The following S100PBP variants were observed in gnomAD, a reference collection of about 807,000 sequenced individuals.
S100PBP encodes the protein S100P binding protein.
Under a neutral mutation model 39.9 loss-of-function variants are expected in S100PBP, and 15 were observed. The observed-to-expected ratio is 0.38, with a 90% CI of 0.25 to 0.58. The LOEUF is 0.58. Among genes scored for constraint, S100PBP ranks in the 20% least tolerant of loss-of-function variants. The pLI, the probability that S100PBP is intolerant of heterozygous loss-of-function variation, is 0.70. For missense variants in S100PBP, 504 were observed against 487.3 expected, an observed-to-expected ratio of 1.03 and a Z score of -0.32; for synonymous variants, 178 against 180.3, an observed-to-expected ratio of 0.99 and a Z score of 0.10.
chr1:32,829,765 C>T (rs1416445155), intron 4 of S100PBP, among the ~76,000 whole-genome samples, 199 bp from the exon 5 acceptor site: 1 of 152,180 alleles, frequency 6.6e-6, no homozygotes, highest in Non-Finnish European at 1.5e-5. Flanking sequence ...AGCTTCTCTT[C>T]TTTTTCTCTT....
chr1:32,828,002 C>T lies in S100PBP; in HGVS notation c.841C>T (p.Leu281Phe), dbSNP rs770200837. Residue 281 changes from leucine to phenylalanine, a missense_variant, in exon 4 of 7, where the codon CTT becomes TTT. Physicochemically the swap from Leu to Phe is conservative, Grantham distance 22. Coordinates refer to ENST00000373475, the MANE Select transcript of S100PBP (RefSeq NM_022753.4). Reference protein sequence around the residue: ...VSTSSNKQDVLNKDSGKMKGH... With the variant: ...VSTSSNKQDVFNKDSGKMKGH... ...CTTTTCCTCAAAAAAGCAGGATGTT[C>T]TTAACAAGGATTCTGGGAAGATGAA... is the stretch of plus-strand genomic sequence containing the variant. The T allele has an allele frequency of 1.2e-6, 2 of 1,609,744 alleles. No individual in the cohort carries two copies. Among genetic ancestry groups the T allele is most frequent in the Non-Finnish European group, 8.5e-7 (1 of 1,176,944 alleles).
intron 5 of S100PBP, chr1:32,836,433 G>GTGTTTT (rs1346420218): frequency 1.7e-6 from 1 of 605,162 alleles, no homozygotes. Flanking sequence ...TGCCTGGCTT[G>GTGTTTT]TGTTTTTGTT....
intron 5 of S100PBP, among the ~76,000 whole-genome samples, chr1:32,844,770 G>GATATATATATATAT (rs1384204743): frequency 6.6e-6 from 1 of 151,564 alleles, no homozygotes; most frequent in African/African-American, 2.4e-5. Flanking sequence ...GATATCTATA[G>GATATATATATATAT]ATAGAGATAT....
intron 5 of S100PBP, among the ~76,000 whole-genome samples, chr1:32,831,539 T>C (rs1639599214): frequency 1.3e-5 from 2 of 152,166 alleles, no homozygotes; most frequent in Admixed American, 6.5e-5. Flanking sequence ...AAGATTATGA[T>C]GAGACATCAG....
At chr1:32,849,334 A>G (rs575301863) in intron 5 of S100PBP, among the ~76,000 whole-genome samples, 45 of 152,140 alleles carry the variant, frequency 3.0e-4, no homozygotes, top group Non-Finnish European at 6.0e-4. Flanking sequence ...ACGGGGTTTC[A>G]CCATGTTGCC....
intron 1 of S100PBP, among the ~76,000 whole-genome samples, chr1:32,824,058 C>T (rs1358291134): frequency 1.3e-5 from 2 of 152,032 alleles, no homozygotes; most frequent in Non-Finnish European, 1.5e-5. Flanking sequence ...ATTAGCCGGG[C>T]GTGGTGGCGG....
chr1:32,837,177 A>T lies in S100PBP; in HGVS notation c.1024+7110A>T, dbSNP rs974304020. Reference sequence around the variant, plus strand: ...CATCTCAAAAAAAAAAAAAAAAAAAAAGAAATTTGAAGACATTCAGTATTG... The same window carrying T: ...CATCTCAAAAAAAAAAAAAAAAAAATAGAAATTTGAAGACATTCAGTATTG... On this transcript the variant is annotated intron_variant, in intron 5 of 6. Coordinates refer to ENST00000373475, the MANE Select transcript of S100PBP (RefSeq NM_022753.4). The T allele has an allele frequency of 2.0e-5, 3 of 150,406 alleles. No homozygotes were observed. The South Asian group carries it at 6.3e-4, about 31-fold the overall frequency. The allele number at this position is 150,406 out of a possible 1,614,324, so 9.3% of individuals were successfully genotyped here. A position where few individuals can be genotyped will look rare whatever the true frequency, so the allele number is the denominator to read the frequency against.
chr1:32,854,267 T>C (rs1640739069), intron 6 of S100PBP, among the ~76,000 whole-genome samples: 1 of 152,190 alleles, frequency 6.6e-6, no homozygotes, highest in Admixed American at 6.5e-5. Flanking sequence ...ACGTTCCTTA[T>C]ATAAAATGCC....
rs540016716 is a variant in S100PBP, at chr1:32,822,448, A to T, written c.-119-2865A>T. Among the ~76,000 whole-genome samples, 4 of 151,932 alleles carry T rather than the reference A, an allele frequency of 2.6e-5. 1 individual carries two copies. Among genetic ancestry groups the T allele is most frequent in the African/African-American group, 9.7e-5 (4 of 41,424 alleles). ...GCTAACACTGTGAAACCCCGTCTCT[A>T]CTAAAAATACAAAAATTAGCCAGGC... On this transcript the variant is annotated intron_variant, in intron 1 of 6. Coordinates refer to ENST00000373475, the MANE Select transcript of S100PBP (RefSeq NM_022753.4).
chr1:32,827,783 G>GGTTTTTTTT (rs1281476870), intron 3 of S100PBP, among the ~76,000 whole-genome samples: 6 of 130,426 alleles, frequency 4.6e-5, no homozygotes, highest in African/African-American at 5.7e-5. Context: ...ACCTGGCCAG[G>GGTTTTTTTT]TTTTTTTTTT....
At position 32,826,604 on chromosome 1, in the gene S100PBP, A is replaced by G. The variant is rs1262209734; in HGVS notation, c.505A>G (p.Lys169Glu). ...LLDKDETDSS[K>E]DTEKLSSLGE... is the part of the protein sequence containing the mutation. ...TGATAAGGACGAGACTGATTCGTCC[A>G]AAGATACTGAAAAACTCTCTTCCCT... Residue 169 changes from lysine (K) to glutamate (E), a missense_variant, in exon 3 of 7, where the codon AAA (lysine) becomes GAA (glutamate). Lys to Glu is a moderately conservative substitution (Grantham distance 56, BLOSUM62 1). Coordinates refer to ENST00000373475, the MANE Select transcript of S100PBP (RefSeq NM_022753.4). 2.5e-6 allele frequency: 4 copies of G among 1,614,074 alleles called. No homozygotes were observed. The highest frequency in any genetic ancestry group is 3.4e-6 in the Non-Finnish European group (4 of 1,180,036).
chr1:32,829,887 A>C, intron 4 of S100PBP, 77 bp from the exon 5 acceptor site: 1 of 955,160 alleles, frequency 1.0e-6, no homozygotes, highest in Non-Finnish European at 1.7e-6. Context: ...TCAGCAGTAT[A>C]TCACTTCTCT....
At chr1:32,819,411 T>C (rs890593272) in intron 1 of S100PBP, among the ~76,000 whole-genome samples, 2 of 151,716 alleles carry the variant, frequency 1.3e-5, no homozygotes, top group African/African-American at 4.8e-5. Context: ...CTACTGTAAA[T>C]ACAAAAATTA....
chr1:32,838,894 T>C (rs572049629), intron 5 of S100PBP, among the ~76,000 whole-genome samples: 1 of 152,282 alleles, frequency 6.6e-6, no homozygotes, highest in Admixed American at 6.5e-5. Context: ...TTAAGTATAT[T>C]CATATTGTTG....
At position 32,856,065 on chromosome 1, in the gene S100PBP, G is replaced by T; in HGVS notation, c.*27G>T. The T allele has an allele frequency of 6.9e-7, 1 of 1,458,352 alleles. No homozygotes were observed. Among genetic ancestry groups the T allele is most frequent in the Non-Finnish European group, 9.6e-7 (1 of 1,039,418 alleles). 90.3% of individuals were successfully genotyped at this position (1,458,352 alleles called of 1,614,324 possible). On this transcript the variant is annotated 3_prime_UTR_variant, in exon 7 of 7. Transcript: ENST00000373475. ...TTGTGTCATCCCATCAGCAATGAAG[G>T]TCCCTATCCAGGGTCCTGCTTGGAG...
rs1223528696 is a variant in S100PBP at position 32,842,399 on chromosome 1, A to G, written c.1025-10680A>G. On this transcript the variant is annotated intron_variant, in intron 5 of 6. Transcript: ENST00000373475. ...TGTCAAAAATCATTTGTCTCTAGAA[A>G]AATCAGGTTTCCAGGAAAAAAAAGA... Among the ~76,000 whole-genome samples the G allele has an allele frequency of 3.3e-5, 5 of 151,666 alleles. No homozygotes were observed. The East Asian group carries it at 9.7e-4, about 29-fold the overall frequency.
At chr1:32,830,375 A>G (rs1464803895) in intron 5 of S100PBP, among the ~76,000 whole-genome samples, 1 of 152,206 alleles carries the variant, frequency 6.6e-6, no homozygotes, top group Non-Finnish European at 1.5e-5. Flanking sequence ...CTGAAAAATA[A>G]CGGAAGTGGA....
Position 32,858,241 on chromosome 1 carries a change from T to A in S100PBP, c.*2203T>A, listed in dbSNP as rs976889725. On this transcript the variant is annotated 3_prime_UTR_variant, in exon 7 of 7. Coordinates refer to ENST00000373475, the MANE Select transcript of S100PBP (RefSeq NM_022753.4). Reference sequence around the variant, plus strand: ...CTCCTGGTACATGGGGTTTTAAGACTGAATGTGTAATAGGAGCACTGCCTT... The same window carrying A: ...CTCCTGGTACATGGGGTTTTAAGACAGAATGTGTAATAGGAGCACTGCCTT... 22 of 152,766 alleles carry A rather than the reference T, an allele frequency of 1.4e-4. No homozygotes were observed. Among genetic ancestry groups the A allele is most frequent in the African/African-American group, 5.3e-4 (22 of 41,586 alleles). 9.5% of individuals were successfully genotyped at this position (152,766 alleles called of 1,614,324 possible). A position where few individuals can be genotyped will look rare whatever the true frequency, so the allele number is the denominator to read the frequency against.
chr1:32,822,898 C>G (rs941565322), intron 1 of S100PBP, among the ~76,000 whole-genome samples: 2 of 152,064 alleles, frequency 1.3e-5, no homozygotes, highest in African/African-American at 4.8e-5. Context: ...ACCAAAAGCC[C>G]TCTTTGGTCT....
Sources: gnomAD v4.1 joint callset for allele counts (sites outside exome capture counted in the v4.1 genomes callset) on GRCh38, gnomAD v4.1.1 for gene constraint, MANE v1.5 for transcripts, NCBI Gene and HGNC (gene_info 2026-07-23, HGNC 2026-07-21) for gene names.